The following PREX1 variants were observed in gnomAD, a reference collection of about 807,000 sequenced individuals.
The protein encoded by PREX1 is phosphatidylinositol 3,4,5-trisphosphate-dependent Rac exchanger 1 protein.
A neutral mutation model predicts 198.3 loss-of-function variants in PREX1; 41 were observed. The ratio of observed to expected loss-of-function variants is 0.21; its 90% CI spans 0.16 to 0.27. The LOEUF is 0.27. Among genes scored for constraint, PREX1 ranks in the 10% least tolerant of loss-of-function variants. PREX1 has a pLI of 1.00. For missense variants in PREX1, 1,620 were observed against 2,200.7 expected (o/e 0.74, Z 5.28); for synonymous variants, 843 against 887.2 (o/e 0.95, Z 0.89).
chr20:48,834,256 C>T, the PREX1 span, among the ~76,000 whole-genome samples: 2 of 152,120 alleles, frequency 1.3e-5, no homozygotes, highest in African/African-American at 2.4e-5. Flanking sequence ...TCTGCAATTT[C>T]GTCAAGGCCA....
intron 5 of PREX1, 65 bp from the exon 6 acceptor site, chr20:48,708,486 C>A: frequency 6.5e-7 from 1 of 1,535,046 alleles, no homozygotes. Context: ...AGACCCAGGC[C>A]AGAGCTGAAC....
chr20:48,644,084 C>T (rs2089433868), intron 27 of PREX1, among the ~76,000 whole-genome samples: 1 of 152,232 alleles, frequency 6.6e-6, no homozygotes, highest in South Asian at 2.1e-4. Context: ...GCACACGCAT[C>T]ACAACATTCA....
intron 15 of PREX1, among the ~76,000 whole-genome samples, chr20:48,664,035 A>G (rs533057910): frequency 1.5e-4 from 23 of 152,224 alleles, no homozygotes; most frequent in Non-Finnish European, 3.4e-4. Context: ...AAAGACAGAA[A>G]GGAGTGATGG....
intron 25 of PREX1, among the ~76,000 whole-genome samples, chr20:48,648,395 C>G (rs1437261168): frequency 6.6e-6 from 1 of 152,160 alleles, no homozygotes; most frequent in African/African-American, 2.4e-5. Flanking sequence ...AGGGATTTTG[C>G]CACCAGCATC....
rs536771095 is a variant in PREX1 at position 48,661,527 on chromosome 20, A to ATG, written c.1739-1468_1739-1467dup. Among the ~76,000 whole-genome samples, 337 of 121,234 alleles carry ATG rather than the reference A, an allele frequency of 2.8e-3. 4 individuals carry two copies. The highest frequency in any genetic ancestry group is 0.016 in the South Asian group (52 of 3,318). The allele number at this position is 121,234 out of a possible 152,430, so 79.5% of individuals were successfully genotyped here. On this transcript the variant is annotated intron_variant, in intron 15 of 39. Transcript: ENST00000371941. The stretch of plus-strand genomic sequence containing the variant: ...GTATATAACATATATAATATATATA[A>ATG]TGTGTGTGTGTGTGTGTATATATAT...
chr20:48,762,904 T>C (rs1361131032), intron 1 of PREX1, among the ~76,000 whole-genome samples: 1 of 152,198 alleles, frequency 6.6e-6, no homozygotes, highest in Admixed American at 6.5e-5. Context: ...GGTTTCACTA[T>C]GTTGGCCATG....
intron 30 of PREX1, among the ~76,000 whole-genome samples, chr20:48,638,581 C>G (rs1228524173): frequency 6.6e-6 from 1 of 152,182 alleles, no homozygotes; most frequent in East Asian, 1.9e-4. Flanking sequence ...CAGGGCTGGG[C>G]AGGGTAAGAA....
At chr20:48,704,700 C>T (rs1268490792) in intron 6 of PREX1, among the ~76,000 whole-genome samples, 2 of 152,192 alleles carry the variant, frequency 1.3e-5, no homozygotes, top group Non-Finnish European at 2.9e-5. Flanking sequence ...GGATTACAGG[C>T]ATGCTCCACC....
chr20:48,835,820 A>G, the PREX1 span, among the ~76,000 whole-genome samples: 910 of 152,332 alleles, frequency 6.0e-3, 4 homozygotes, highest in African/African-American at 0.021. Context: ...TGACAGCTCT[A>G]TGGGAAGTAA....
rs377441021 is a variant in PREX1 at position 48,625,967 on chromosome 20, G to A, written c.4938-40C>T. ...AAAGAGAATGAGGAGAGGCCGGGGC[G>A]GGCCAGGACCTATTTGTATTATTTC... On this transcript the variant is annotated intron_variant, in intron 39 of 39. Transcript: ENST00000371941. 7.2e-5 allele frequency: 108 copies of A among 1,496,988 alleles called. 1 individual carries two copies. Among genetic ancestry groups the A allele is most frequent in the Non-Finnish European group, 9.2e-5 (104 of 1,124,918 alleles). 92.7% of individuals were successfully genotyped at this position (1,496,988 alleles called of 1,614,324 possible).
At chr20:48,834,191 GGGA>G in the PREX1 span, among the ~76,000 whole-genome samples, 1 of 152,132 alleles carries the variant, frequency 6.6e-6, no homozygotes, top group African/African-American at 2.4e-5. Flanking sequence ...AGGCTGGATT[GGGA>G]GTAAAAGTTG....
chr20:48,846,337 G>A, the PREX1 span, among the ~76,000 whole-genome samples: 1 of 152,180 alleles, frequency 6.6e-6, no homozygotes, highest in Non-Finnish European at 1.5e-5. Flanking sequence ...GAACTTGCAG[G>A]TGGTCTTATC....
intron 30 of PREX1, among the ~76,000 whole-genome samples, chr20:48,638,117 ACAT>A (rs528803720): frequency 2.6e-5 from 4 of 152,140 alleles, no homozygotes; most frequent in Non-Finnish European, 4.4e-5. Flanking sequence ...ACACACTCAC[ACAT>A]CAACAGACAC....
intron 1 of PREX1, among the ~76,000 whole-genome samples, chr20:48,796,902 C>G (rs573749362): frequency 1.3e-5 from 2 of 151,932 alleles, no homozygotes; most frequent in African/African-American, 4.8e-5. Flanking sequence ...ACAGGCAAAA[C>G]TAATCTTCGC....
At chr20:48,713,826 C>T (rs572662791) in intron 5 of PREX1, among the ~76,000 whole-genome samples, 1 of 144,358 alleles carries the variant, frequency 6.9e-6, no homozygotes, top group South Asian at 2.2e-4. Context: ...TGTAACAAAG[C>T]TGCACATTCT....
chr20:48,660,488 A>G (rs199960615), intron 15 of PREX1, among the ~76,000 whole-genome samples: 10 of 108,712 alleles, frequency 9.2e-5, no homozygotes, highest in East Asian at 5.2e-4. Context: ...CCCAGGGGGG[A>G]AAAAAATTGA....
chr20:48,805,577 C>T lies in PREX1; in HGVS notation c.219+22065G>A, dbSNP rs562943333. Among the ~76,000 whole-genome samples, 222 of 152,316 alleles carry T rather than the reference C, an allele frequency of 1.5e-3. 1 individual carries two copies. Among genetic ancestry groups the T allele is most frequent in the Non-Finnish European group, 2.5e-4 (17 of 68,028 alleles). On this transcript the variant is annotated intron_variant, in intron 1 of 39. Transcript: ENST00000371941. ...CAAGTGCTGGCAGCGAATTAGGGAG[C>T]CAGGAGGGGCAGCCAGCACCACACA...
At chr20:48,779,711 T>C (rs2090279779) in intron 1 of PREX1, among the ~76,000 whole-genome samples, 1 of 152,118 alleles carries the variant, frequency 6.6e-6, no homozygotes, top group Non-Finnish European at 1.5e-5. Context: ...CAGATGAATC[T>C]CAAAGGCTTT....
At chr20:48,841,568 C>T in the PREX1 span, among the ~76,000 whole-genome samples, 1 of 152,152 alleles carries the variant, frequency 6.6e-6, no homozygotes, top group Admixed American at 6.5e-5. Context: ...ACAGAGGGGT[C>T]CTCACACATG....
Sources: allele counts gnomAD v4.1 joint callset (sites outside exome capture counted in the v4.1 genomes callset), GRCh38; gene constraint gnomAD v4.1.1; transcripts MANE v1.5; gene names NCBI Gene and HGNC (gene_info 2026-07-23, HGNC 2026-07-21).